ESR1: variants seen among roughly 807,000 people sequenced by gnomAD.
ESR1 encodes estrogen receptor.
In ESR1, 12 loss-of-function variants were observed where a neutral mutation model predicts 52.7. That is an observed-to-expected ratio of 0.23 (90% CI 0.15 to 0.37). The LOEUF (loss-of-function observed/expected upper bound fraction) is 0.37, where lower values mean the gene tolerates loss of function less well. Among genes scored for constraint, ESR1 ranks in the 10% least tolerant of loss-of-function variants. The pLI is 1.00. For synonymous variants in ESR1, 305 were observed against 316.8 expected (o/e 0.96, Z 0.39); for missense variants, 584 against 779.7 (o/e 0.75, Z 2.99).
intron 6 of ESR1, among the ~76,000 whole-genome samples, chr6:152,116,302 G>T (rs188603074): frequency 6.6e-6 from 1 of 152,286 alleles, no homozygotes; most frequent in Admixed American, 6.5e-5. Context: ...TACTGCAGCC[G>T]TGATTCCTAA....
chr6:152,039,223 G>A (rs1156892316), intron 5 of ESR1, among the ~76,000 whole-genome samples: 1 of 152,082 alleles, frequency 6.6e-6, no homozygotes, highest in Non-Finnish European at 1.5e-5. Context: ...CTTCATTCCT[G>A]AAGGGTCTGG....
At chr6:151,660,443 T>G (rs981596938) in intron 1 of ESR1, among the ~76,000 whole-genome samples, 3 of 152,216 alleles carry the variant, frequency 2.0e-5, no homozygotes, top group Non-Finnish European at 2.9e-5. Flanking sequence ...CTTTCAAACC[T>G]CAGTTTCTTC....
chr6:151,721,375 G>C (rs1323565938), intron 2 of ESR1, among the ~76,000 whole-genome samples: 1 of 152,132 alleles, frequency 6.6e-6, no homozygotes, highest in African/African-American at 2.4e-5. Context: ...GAACTGTCAG[G>C]CTACTAAGAC....
chr6:151,924,357 CA>C lies in ESR1; in HGVS notation c.761-19810del, dbSNP rs372677139. On this transcript the variant is annotated intron_variant, in intron 3 of 7. Transcript: ENST00000206249. ...CGTCCGGCCTGCAATTTCTTAATGACAAAAAATATTGAGGATATTTTCACAT... is the reference window on the plus strand; with the variant it reads ...CGTCCGGCCTGCAATTTCTTAATGACAAAAATATTGAGGATATTTTCACAT... 7.4e-3 allele frequency among the ~76,000 whole-genome samples: 1,127 copies of C among 152,118 alleles called. 18 individuals are homozygous for C. Among genetic ancestry groups the C allele is most frequent in the African/African-American group, 0.022 (895 of 41,526 alleles).
intron 2 of ESR1, among the ~76,000 whole-genome samples, chr6:151,849,760 A>G (rs1484282323): frequency 1.3e-5 from 2 of 151,562 alleles, no homozygotes; most frequent in East Asian, 1.9e-4. Flanking sequence ...CATTTGATAT[A>G]AGCATGCAAA....
intron 3 of ESR1, among the ~76,000 whole-genome samples, chr6:151,932,032 A>T (rs1188896968): frequency 5.4e-5 from 8 of 149,152 alleles, no homozygotes; most frequent in African/African-American, 2.0e-4. Flanking sequence ...CGCCACACTG[A>T]CTTCCACAAT....
At chr6:151,776,192 C>T (rs116297068) in intron 2 of ESR1, among the ~76,000 whole-genome samples, 17,582 of 152,070 alleles carry the variant, frequency 0.12, 1,147 homozygotes, top group Non-Finnish European at 0.13. Flanking sequence ...GCCTGGAGAA[C>T]ATAAATGGGA....
intron 5 of ESR1, among the ~76,000 whole-genome samples, chr6:152,031,616 A>G (rs550978725): frequency 8.5e-5 from 13 of 152,350 alleles, no homozygotes; most frequent in South Asian, 8.3e-4. Flanking sequence ...GAATAGACCA[A>G]TAATAGGCTC....
At chr6:152,045,036 C>T (rs533687547) in intron 5 of ESR1, among the ~76,000 whole-genome samples, 1 of 152,284 alleles carries the variant, frequency 6.6e-6, no homozygotes, top group Admixed American at 6.5e-5. Flanking sequence ...AGGCTTATAT[C>T]AGTATAAATT....
chr6:151,838,500 G>T (rs1783754584), intron 1 of ESR1, among the ~76,000 whole-genome samples: 1 of 152,166 alleles, frequency 6.6e-6, no homozygotes, highest in African/African-American at 2.4e-5. Flanking sequence ...GATGGGCTGT[G>T]TTAGTCTGTA....
upstream of ESR1, among the ~76,000 whole-genome samples, chr6:151,803,115 T>A (rs1777428809): frequency 6.6e-6 from 1 of 152,208 alleles, no homozygotes; most frequent in Admixed American, 6.5e-5. Context: ...CCAACATTTG[T>A]TGACTTAACA....
intron 5 of ESR1, among the ~76,000 whole-genome samples, chr6:152,049,355 T>C (rs2046482603): frequency 2.0e-5 from 3 of 152,220 alleles, no homozygotes. Context: ...GTTCTTGGCT[T>C]AAGAACTCTT....
intron 3 of ESR1, among the ~76,000 whole-genome samples, chr6:151,938,060 CTT>C (rs1562569154): frequency 6.6e-6 from 1 of 152,100 alleles, no homozygotes; most frequent in South Asian, 2.1e-4. Context: ...TTTAAAACCT[CTT>C]AGTGTATTTC....
At chr6:151,773,622 G>T (rs1191779118) in intron 2 of ESR1, among the ~76,000 whole-genome samples, 3 of 152,218 alleles carry the variant, frequency 2.0e-5, no homozygotes, top group Admixed American at 2.0e-4. Flanking sequence ...ATAGGAGGAG[G>T]CAGGGAGCCT....
chr6:151,990,741 C>A (rs905278982), intron 4 of ESR1, among the ~76,000 whole-genome samples: 1 of 152,106 alleles, frequency 6.6e-6, no homozygotes, highest in Non-Finnish European at 1.5e-5. Flanking sequence ...CACACAATAA[C>A]GAAATGACGT....
At chr6:152,017,165 A>C (rs149759805) in intron 5 of ESR1, among the ~76,000 whole-genome samples, 325 of 152,270 alleles carry the variant, frequency 2.1e-3, no homozygotes, top group African/African-American at 7.5e-3. Flanking sequence ...CTGCCATCCC[A>C]CATTTGTGAG....
intron 4 of ESR1, among the ~76,000 whole-genome samples, chr6:151,954,807 C>A (rs2036719073): frequency 6.6e-6 from 1 of 152,168 alleles, no homozygotes; most frequent in Non-Finnish European, 1.5e-5. Context: ...AATAAGGCAG[C>A]AATGGAATAC....
chr6:151,898,317 C>T (rs976134644), intron 3 of ESR1, among the ~76,000 whole-genome samples: 11 of 151,822 alleles, frequency 7.2e-5, no homozygotes, highest in Non-Finnish European at 1.3e-4. Flanking sequence ...TCTTCTTTCT[C>T]AGGAACACCA....
At chr6:151,723,960 G>T (rs1319274140) in intron 2 of ESR1, among the ~76,000 whole-genome samples, 1 of 152,062 alleles carries the variant, frequency 6.6e-6, no homozygotes, top group African/African-American at 2.4e-5. Context: ...GAATGAAAAA[G>T]GCATAGGTAC....
Sources: allele counts gnomAD v4.1 joint callset (sites outside exome capture counted in the v4.1 genomes callset), GRCh38; gene constraint gnomAD v4.1.1; transcripts MANE v1.5; gene names NCBI Gene and HGNC (gene_info 2026-07-23, HGNC 2026-07-21).